Variants in PIAS1 observed in about 807,000 individuals in gnomAD.
The protein encoded by PIAS1 is E3 SUMO-protein ligase PIAS1.
PIAS1 carries 6 observed loss-of-function variants against 71.3 expected under a neutral mutation model. The observed-to-expected ratio is 0.08, with a 90% confidence interval of 0.05 to 0.17. PIAS1 has a LOEUF of 0.17. PIAS1 is among the 10% of genes least tolerant of loss of function. The probability of loss-of-function intolerance (pLI) is 1.00; values close to 1 mark genes in which losing one functional copy is unlikely to be tolerated. For synonymous variants in PIAS1, 303 were observed against 292.9 expected (o/e 1.03, Z -0.35); for missense variants, 555 against 793.6 (o/e 0.70, Z 3.61).
At chr15:68,071,282 T>G (rs1202693025) in intron 1 of PIAS1, among the ~76,000 whole-genome samples, 1 of 148,898 alleles carries the variant, frequency 6.7e-6, no homozygotes, top group Non-Finnish European at 1.5e-5. Context: ...TTTTTTTTTT[T>G]TTTTGACAGA....
At chr15:68,098,245 T>G (rs2092393534) in intron 2 of PIAS1, among the ~76,000 whole-genome samples, 1 of 152,200 alleles carries the variant, frequency 6.6e-6, no homozygotes. Context: ...TTAACACGTA[T>G]TTTGTATATG....
At chr15:68,181,127 T>G in intron 11 of PIAS1, 85 bp from the exon 12 acceptor site, 1 of 1,143,962 alleles carries the variant, frequency 8.7e-7, no homozygotes. Flanking sequence ...AACCGAGGGT[T>G]CATTGTGAGA....
At chr15:68,146,005 A>G (rs1388680509) in intron 5 of PIAS1, 99 bp downstream of exon 5, 2 of 768,976 alleles carry the variant, frequency 2.6e-6, no homozygotes. Context: ...TTAAGAAAAC[A>G]TTTTTATTTT....
At chr15:68,142,174 A>AT in intron 3 of PIAS1, 116 bp from the exon 4 acceptor site, 1 of 986,948 alleles carries the variant, frequency 1.0e-6, no homozygotes, top group South Asian at 1.4e-5. Flanking sequence ...TAGTTACTGT[A>AT]AGAACAGTTA....
chr15:68,156,192 G>T (rs897233141), intron 7 of PIAS1, among the ~76,000 whole-genome samples: 1 of 152,186 alleles, frequency 6.6e-6, no homozygotes, highest in African/African-American at 2.4e-5. Flanking sequence ...TGGTAAGAAA[G>T]ACAGGCATTA....
In PIAS1 at chr15:68,174,057, A is replaced by T. The variant is rs377595165; in HGVS notation, c.1169+165A>T. 1.3e-5 allele frequency among the ~76,000 whole-genome samples: 2 copies of T among 152,336 alleles called. No homozygotes were observed. The highest frequency in any genetic ancestry group is 4.8e-5 in the African/African-American group (2 of 41,580). ...AATTTATTTCAAATTAGTGTTATGA[A>T]TATTTTATCTTTTTAAATTGATGTT... On this transcript the variant is annotated intron_variant, in intron 9 of 13. Transcript: ENST00000249636. This position sits in a 1 kb window ranked among gnomAD's most constrained non-coding sequence, Gnocchi z 4.0.
rs1283946182 is a variant in PIAS1, at chr15:68,110,964, T to C, written c.469+24214T>C. On this transcript the variant is annotated intron_variant, in intron 2 of 13. Transcript: ENST00000249636. ...GGGTTTAAAACCAGTATCAGACAGT[T>C]ATGATATGTACTTTCTCTGGTTGGC... is the stretch of plus-strand genomic sequence containing the variant. Among the ~76,000 whole-genome samples the C allele has an allele frequency of 2.6e-5, 4 of 152,198 alleles. No homozygotes were observed. In the East Asian group the frequency reaches 5.8e-4, roughly 22 times the overall value.
At chr15:68,142,403 C>T in intron 4 of PIAS1, 66 bp downstream of exon 4, 1 of 1,167,748 alleles carries the variant, frequency 8.6e-7, no homozygotes, top group Non-Finnish European at 1.3e-6. Flanking sequence ...CAGTACGGGT[C>T]CAGTTAAGGT....
intron 7 of PIAS1, among the ~76,000 whole-genome samples, chr15:68,162,521 A>G (rs889895312): frequency 2.6e-5 from 4 of 152,084 alleles, no homozygotes; most frequent in Non-Finnish European, 5.9e-5. Flanking sequence ...GAGGAGATGT[A>G]TTAGGGGAAT....
chr15:68,076,323 C>G (rs377766090), intron 1 of PIAS1, among the ~76,000 whole-genome samples: 1 of 151,902 alleles, frequency 6.6e-6, no homozygotes, highest in African/African-American at 2.4e-5. Context: ...CTGGCTGACA[C>G]GGTGAAAGCG....
At position 68,117,091 on chromosome 15, in the gene PIAS1, T is replaced by A. The variant is rs181905454; in HGVS notation, c.470-24855T>A. ...GTTGTTGTTTTTGTTTTTTTGTTGCTGTTTCGTTTCTTGAGACAAAGTCTC... is the reference window on the plus strand; with the variant it reads ...GTTGTTGTTTTTGTTTTTTTGTTGCAGTTTCGTTTCTTGAGACAAAGTCTC... On this transcript the variant is annotated intron_variant, in intron 2 of 13. Coordinates refer to ENST00000249636, the MANE Select transcript of PIAS1 (RefSeq NM_016166.3). 3.3e-5 allele frequency among the ~76,000 whole-genome samples: 5 copies of A among 152,234 alleles called. No homozygotes were observed. In the East Asian group the frequency reaches 9.7e-4, roughly 29 times the overall value.
At chr15:68,102,437 C>T (rs759558916) in intron 2 of PIAS1, among the ~76,000 whole-genome samples, 28 of 152,214 alleles carry the variant, frequency 1.8e-4, no homozygotes, top group Middle Eastern at 6.8e-3. Context: ...AGTTCTTTTG[C>T]CTTTCCACAC....
chr15:68,138,995 C>T (rs577570849), intron 2 of PIAS1, among the ~76,000 whole-genome samples: 1 of 152,174 alleles, frequency 6.6e-6, no homozygotes, highest in African/African-American at 2.4e-5. Flanking sequence ...GTTACGGCCT[C>T]ATATATTTTG....
intron 2 of PIAS1, among the ~76,000 whole-genome samples, chr15:68,122,794 C>A (rs988925262): frequency 2.0e-5 from 3 of 152,096 alleles, no homozygotes; most frequent in African/African-American, 7.2e-5. Flanking sequence ...ACCCAAAATA[C>A]ATTTTTGGAA....
intron 6 of PIAS1, among the ~76,000 whole-genome samples, chr15:68,151,009 CAAAT>C (rs1334324190): frequency 6.6e-6 from 1 of 151,732 alleles, no homozygotes; most frequent in Non-Finnish European, 1.5e-5. Context: ...ATGAACTTGA[CAAAT>C]AATTTTTAAG....
At chr15:68,106,903 A>G (rs189946910) in intron 2 of PIAS1, among the ~76,000 whole-genome samples, 2 of 152,314 alleles carry the variant, frequency 1.3e-5, no homozygotes, top group East Asian at 3.9e-4. Flanking sequence ...TTGGTTGAAC[A>G]CAGATGATGT....
At chr15:68,121,028 T>G (rs1348537504) in intron 2 of PIAS1, among the ~76,000 whole-genome samples, 3 of 152,234 alleles carry the variant, frequency 2.0e-5, no homozygotes, top group Non-Finnish European at 2.9e-5. Flanking sequence ...TAAACAATTC[T>G]TTATATTTAT....
intron 2 of PIAS1, among the ~76,000 whole-genome samples, chr15:68,097,787 G>GT (rs938031474): frequency 6.6e-6 from 1 of 152,092 alleles, no homozygotes. Context: ...TGATTGTATA[G>GT]TTTTTCCCAT....
intron 2 of PIAS1, among the ~76,000 whole-genome samples, chr15:68,125,200 A>AT (rs1348813901): frequency 2.0e-5 from 3 of 151,558 alleles, no homozygotes; most frequent in Admixed American, 6.6e-5. Flanking sequence ...CATTGCCAAA[A>AT]TTTTTTTGCC....
Sources: allele counts gnomAD v4.1 joint callset (sites outside exome capture counted in the v4.1 genomes callset), GRCh38; gene constraint gnomAD v4.1.1; non-coding constraint Gnocchi (gnomAD v3.1); transcripts MANE v1.5; gene names NCBI Gene and HGNC (gene_info 2026-07-23, HGNC 2026-07-21).